CPEB3: variants seen among roughly 807,000 people sequenced by gnomAD.
CPEB3 encodes cytoplasmic polyadenylation element binding protein 3, also known as cytoplasmic polyadenylation element-binding protein 3.
Under a neutral mutation model 67.2 loss-of-function variants are expected in CPEB3, and 20 were observed. That is an observed-to-expected ratio of 0.30 (90% CI 0.21 to 0.43). The LOEUF (loss-of-function observed/expected upper bound fraction) is 0.43. CPEB3 is among the 20% of genes least tolerant of loss of function. The pLI, the probability that CPEB3 is intolerant of heterozygous loss-of-function variation, is 1.00. For missense variants in CPEB3, 746 were observed against 968.6 expected (o/e 0.77, Z 3.05); for synonymous variants, 376 against 393.1 (o/e 0.96, Z 0.51).
chr10:92,195,396 G>A (rs544001283), intron 2 of CPEB3, among the ~76,000 whole-genome samples: 1 of 152,230 alleles, frequency 6.6e-6, no homozygotes, highest in East Asian at 1.9e-4. Flanking sequence ...CAGATCATTT[G>A]TTTTGTTTTG....
intron 3 of CPEB3, among the ~76,000 whole-genome samples, chr10:92,181,867 C>T (rs189002972): frequency 1.3e-5 from 2 of 152,284 alleles, no homozygotes; most frequent in African/African-American, 4.8e-5. Context: ...AAGTCAGAAA[C>T]AGATGCTTCA....
At chr10:92,242,433 A>C (rs1414375909) in intron 1 of CPEB3, among the ~76,000 whole-genome samples, 1 of 152,226 alleles carries the variant, frequency 6.6e-6, no homozygotes, top group African/African-American at 2.4e-5. Context: ...TAGACAGCAC[A>C]AAGTTCTATT....
At chr10:92,135,899 A>C (rs1329426498) in intron 6 of CPEB3, among the ~76,000 whole-genome samples, 1 of 151,978 alleles carries the variant, frequency 6.6e-6, no homozygotes, top group Non-Finnish European at 1.5e-5. Flanking sequence ...TTCTGAGCAA[A>C]CTATCACGAG....
intron 4 of CPEB3, among the ~76,000 whole-genome samples, chr10:92,147,044 T>A (rs1006294817): frequency 6.6e-6 from 1 of 152,134 alleles, no homozygotes; most frequent in South Asian, 2.1e-4. Context: ...ACTAGTAACA[T>A]TAGATACTCA....
intron 4 of CPEB3, among the ~76,000 whole-genome samples, chr10:92,153,973 G>C (rs551517515): frequency 1.3e-5 from 2 of 151,864 alleles, no homozygotes; most frequent in East Asian, 3.9e-4. Flanking sequence ...TTGTTAAAAG[G>C]ACTTTTCATA....
intron 1 of CPEB3, among the ~76,000 whole-genome samples, chr10:92,278,601 CTTT>C (rs1294501874): frequency 4.6e-5 from 6 of 129,198 alleles, no homozygotes; most frequent in Non-Finnish European, 8.3e-5. Flanking sequence ...TTGACTGGTT[CTTT>C]TTTTTTTTTT....
intron 6 of CPEB3, among the ~76,000 whole-genome samples, chr10:92,125,674 T>C (rs886133097): frequency 2.0e-5 from 3 of 152,024 alleles, no homozygotes; most frequent in East Asian, 3.9e-4. Context: ...GTCATGTCCA[T>C]CTTATCTTCC....
intron 6 of CPEB3, among the ~76,000 whole-genome samples, chr10:92,139,326 C>A (rs1846275669): frequency 6.7e-6 from 1 of 148,982 alleles, no homozygotes; most frequent in East Asian, 2.0e-4. Context: ...GGTACATATA[C>A]ACAGTGGAGT....
chr10:92,227,781 C>T (rs1191123912), intron 2 of CPEB3, among the ~76,000 whole-genome samples: 1 of 152,058 alleles, frequency 6.6e-6, no homozygotes, highest in Non-Finnish European at 1.5e-5. Flanking sequence ...TTAGTAGAGA[C>T]GGGGTTTCAC....
chr10:92,194,554 G>A (rs561306047), intron 2 of CPEB3, among the ~76,000 whole-genome samples: 5 of 152,232 alleles, frequency 3.3e-5, no homozygotes, highest in African/African-American at 9.6e-5. Context: ...GCACTGACAC[G>A]AAGAAACCTT....
chr10:92,277,627 A>G (rs1322663282), intron 1 of CPEB3, among the ~76,000 whole-genome samples: 1 of 152,210 alleles, frequency 6.6e-6, no homozygotes, highest in Non-Finnish European at 1.5e-5. Flanking sequence ...ACAGTGGCTC[A>G]TGCCCGTAAT....
chr10:92,082,195 C>A (rs373325043), intron 8 of CPEB3, among the ~76,000 whole-genome samples: 1 of 152,140 alleles, frequency 6.6e-6, no homozygotes, highest in East Asian at 1.9e-4. Context: ...AAAAACATAC[C>A]CATGTTGTAC....
intron 2 of CPEB3, among the ~76,000 whole-genome samples, chr10:92,210,119 TGCTCTGCC>T (rs1195594876): frequency 6.6e-6 from 1 of 152,142 alleles, no homozygotes; most frequent in African/African-American, 2.4e-5. Context: ...AGAATTATAA[TGCTCTGCC>T]GCTCTGCAGT....
intron 1 of CPEB3, among the ~76,000 whole-genome samples, chr10:92,243,627 A>T (rs1013536923): frequency 6.6e-6 from 1 of 152,162 alleles, no homozygotes; most frequent in African/African-American, 2.4e-5. Flanking sequence ...TACTAGAAAG[A>T]GACTGGGGTG....
intron 9 of CPEB3, among the ~76,000 whole-genome samples, chr10:92,053,652 C>T (rs571282360): frequency 1.8e-4 from 27 of 152,070 alleles, no homozygotes; most frequent in Non-Finnish European, 3.5e-4. Flanking sequence ...CGCCATTCTC[C>T]TGCCTTAGCC....
chr10:92,170,803 C>G (rs1169860456), intron 4 of CPEB3, among the ~76,000 whole-genome samples: 1 of 152,148 alleles, frequency 6.6e-6, no homozygotes, highest in East Asian at 1.9e-4. Context: ...CAATTCAGGT[C>G]TGAAATTGCT....
chr10:92,229,866 G>A (rs1236488129), intron 2 of CPEB3, among the ~76,000 whole-genome samples: 3 of 152,280 alleles, frequency 2.0e-5, no homozygotes, highest in Non-Finnish European at 4.4e-5. Flanking sequence ...CCAACATGGA[G>A]AAACCCCATC....
At chr10:92,183,601 T>TG (rs1252801848) in intron 3 of CPEB3, among the ~76,000 whole-genome samples, 9 of 152,318 alleles carry the variant, frequency 5.9e-5, no homozygotes, top group Non-Finnish European at 8.8e-5. Flanking sequence ...CATCCTTTTC[T>TG]GGGGTATTCA....
At chr10:92,263,284 C>T (rs1352194764) in intron 1 of CPEB3, among the ~76,000 whole-genome samples, 1 of 152,170 alleles carries the variant, frequency 6.6e-6, no homozygotes, top group Non-Finnish European at 1.5e-5. Context: ...CCATGTTGGC[C>T]AGGCCAGTCT....
Sources: gnomAD v4.1 joint callset for allele counts (sites outside exome capture counted in the v4.1 genomes callset) on GRCh38, gnomAD v4.1.1 for gene constraint, MANE v1.5 for transcripts, NCBI Gene and HGNC (gene_info 2026-07-23, HGNC 2026-07-21) for gene names.